The following ZAN variants were observed in gnomAD, a reference collection of about 807,000 sequenced individuals.
ZAN encodes zonadhesin (gene/pseudogene).
In ZAN, 260 loss-of-function variants were observed where a neutral mutation model predicts 286.2. The observed-to-expected ratio is 0.91, with a 90% confidence interval of 0.82 to 1.01. ZAN has a LOEUF of 1.01. Ranked by LOEUF, ZAN falls within the 50% of genes least tolerant of loss-of-function variation. The probability of loss-of-function intolerance (pLI) is 0.00; values close to 1 mark genes in which losing one functional copy is unlikely to be tolerated. For synonymous variants in ZAN, 1,368 were observed against 1,417.5 expected, an observed-to-expected ratio of 0.97 and a Z score of 0.79; for missense variants, 3,410 against 3,639.2, an observed-to-expected ratio of 0.94 and a Z score of 1.62.
chr7:100,760,412 C>T lies in ZAN; in HGVS notation c.3718C>T (p.Leu1240Phe), dbSNP rs748540183. The T allele has an allele frequency of 5.0e-6, 8 of 1,613,908 alleles. No homozygotes were observed. Among genetic ancestry groups the T allele is most frequent in the South Asian group, 2.2e-5 (2 of 91,072 alleles). ...CCAGGTTGGGGGTCAGCAAGTTACT[C>T]TCCCAGCCATACCCTCTAAAGGCGT... is the stretch of plus-strand genomic sequence containing the variant. ...RTLVGGQQVT[L>F]PAIPSKGVFL... The change falls in exon 19 of 48, where the codon CTC becomes TTC. Residue 1240 changes from leucine to phenylalanine, a missense_variant. Transcript: ENST00000613979.
At chr7:100,789,044 G>T (rs1057194146) in intron 38 of ZAN, among the ~76,000 whole-genome samples, 174 bp from the exon 39 acceptor site, 21 of 152,110 alleles carry the variant, frequency 1.4e-4, no homozygotes, top group Non-Finnish European at 2.5e-4. Context: ...CTGGGAAGGG[G>T]GCGGACCTCA....
chr7:100,771,828 T>G lies in ZAN; in HGVS notation c.5249-16T>G. 6.2e-7 allele frequency: 1 copy of G among 1,601,586 alleles called. No homozygotes were observed. ...CGGCCCCTCCCCTGGCTCATCTGCC[T>G]TCTCTCTTCCTGCAGGACCCTTCTC... On this transcript the variant is annotated splice_polypyrimidine_tract_variant and intron_variant, in intron 28 of 47. Transcript: ENST00000613979.
chr7:100,782,675 T>G (rs1407046500), intron 35 of ZAN, among the ~76,000 whole-genome samples: 1 of 112,812 alleles, frequency 8.9e-6, no homozygotes, highest in Non-Finnish European at 1.8e-5. Flanking sequence ...TTTAAGTGGG[T>G]TTTTTTTGTG....
In ZAN at chr7:100,784,676, C is replaced by T. The variant is rs1410394635; in HGVS notation, c.6676C>T (p.Pro2226Ser). ...SYTNCLPSCS[P>S]SCWDLDGRCE... ...CACCAACTGCCTTCCCTCCTGCTCA[C>T]CCTCCTGCTGGGACCTGGATGGCCG... Residue 2226 changes from proline (P) to serine (S), a missense_variant, in exon 36 of 48, where the codon CCC (proline) becomes TCC (serine). By Grantham distance (74) the Pro-to-Ser change is moderately conservative. This residue lies in a region of ZAN where 1,289 missense variants were observed against 1,314.3 expected (regional missense o/e 0.98). Transcript: ENST00000613979. 1 of 1,613,984 alleles carries T rather than the reference C, an allele frequency of 6.2e-7. No individual in the cohort carries two copies. The highest frequency in any genetic ancestry group is 8.5e-7 in the Non-Finnish European group (1 of 1,179,896).
chr7:100,769,895 T>C lies in ZAN; in HGVS notation c.5169T>C (p.Gly1723=), dbSNP rs1248563270. 3 of 1,558,446 alleles carry C rather than the reference T, an allele frequency of 1.9e-6. No homozygotes were observed. In the African/African-American group the frequency reaches 4.1e-5, roughly 21 times the overall value. ...ESSEPGCFLV[G]GKPSSCQENS... ...TCTCATTTAGCTGTTTCCTTGTGGG[T>C]GGCAAGCCCTCCAGCTGCCAGGAGA... Residue 1723 remains glycine (G), a synonymous_variant, in exon 28 of 48, where the codon GGT becomes GGC. Transcript: ENST00000613979.
In ZAN at chr7:100,753,113, C is replaced by A. The variant is rs868049605; in HGVS notation, c.3008C>A (p.Pro1003His). The A allele has an allele frequency of 6.2e-7, 1 of 1,613,920 alleles. No individual in the cohort carries two copies. The highest frequency in any genetic ancestry group is 1.1e-5 in the South Asian group (1 of 91,074). The change falls in exon 14 of 48, where the codon CCC becomes CAC. Residue 1003 changes from proline (P) to histidine (H), a missense_variant. Physicochemically the swap from Pro to His is moderately conservative, Grantham distance 77. Transcript: ENST00000613979. Reference protein sequence around the residue: ...PTEKLTALRPPHPSPTATGLA... With the variant: ...PTEKLTALRPHHPSPTATGLA... ...GAGAAGCTCACAGCCCTGAGGCCAC[C>A]CCATCCCAGCCCCACAGCCACTGGG...
intron 11 of ZAN, 25 bp downstream of exon 11, chr7:100,748,495 G>A (rs371499667): frequency 1.3e-5 from 20 of 1,593,356 alleles, no homozygotes; most frequent in South Asian, 6.8e-5. Flanking sequence ...GAGCGCTCAC[G>A]CCAAGAAATC....
Position 100,759,776 on chromosome 7 carries a change from C to G in ZAN, c.3627C>G (p.Ser1209=). 6.2e-7 allele frequency: 1 copy of G among 1,604,344 alleles called. No individual in the cohort carries two copies. The highest frequency in any genetic ancestry group is 8.5e-7 in the Non-Finnish European group (1 of 1,175,740). The part of the protein sequence containing the change: ...KNEEQGQEGV[S]CLSKVYVTLP... The stretch of plus-strand genomic sequence containing the variant: ...AGGAGCAGGGACAGGAAGGCGTGTC[C>G]TGCCTGAGCAAAGTCTACGTGACCC... The change falls in exon 18 of 48, where the codon TCC becomes TCG. Residue 1209 remains serine (S), a synonymous_variant. Transcript: ENST00000613979.
At chr7:100,794,455 G>T (rs1331691787) in intron 44 of ZAN, among the ~76,000 whole-genome samples, 197 bp downstream of exon 44, 1 of 152,110 alleles carries the variant, frequency 6.6e-6, no homozygotes, top group South Asian at 2.1e-4. Flanking sequence ...CTTCCCTAGC[G>T]TTCCTTCCCA....
chr7:100,795,332 G>C lies in ZAN; in HGVS notation c.8262G>C (p.Lys2754Asn). The C allele has an allele frequency of 6.3e-7, 1 of 1,585,362 alleles. No individual in the cohort carries two copies. Among genetic ancestry groups the C allele is most frequent in the Non-Finnish European group, 8.6e-7 (1 of 1,163,610 alleles). ...MEPRDAPPPRKPASNLVGVLL... is the reference protein window; with the variant it reads ...MEPRDAPPPRNPASNLVGVLL... ...CTCGAGATGCGCCACCTCCCAGAAA[G>C]CCAGGTGAGGGCATCGTCCAAGGCC... The change falls in exon 45 of 48, where the codon AAG (lysine) becomes AAC (asparagine). Residue 2754 changes from lysine (K) to asparagine (N), a missense_variant. Physicochemically the swap from Lys to Asn is moderately conservative, Grantham distance 94. Coordinates refer to ENST00000613979, the MANE Select transcript of ZAN (RefSeq NM_003386.3).
rs1167805560 is a variant in ZAN, at chr7:100,752,049, C to A, written c.1944C>A (p.Thr648=). 3 of 1,612,856 alleles carry A rather than the reference C, an allele frequency of 1.9e-6. No homozygotes were observed. Among genetic ancestry groups the A allele is most frequent in the Non-Finnish European group, 2.5e-6 (3 of 1,179,710 alleles). Residue 648 remains threonine (T), a synonymous_variant, in exon 14 of 48, where the codon ACC becomes ACA. Transcript: ENST00000613979. ...EKPTIPSEKP[T]ISTEKPTVPT... is the part of the protein sequence containing the mutation. ...CCACCATTCCCTCAGAAAAACCCAC[C>A]ATTTCCACAGAAAAACCCACCGTCC...
chr7:100,743,397 T>A (rs902497862), intron 7 of ZAN, among the ~76,000 whole-genome samples: 2 of 152,020 alleles, frequency 1.3e-5, no homozygotes, highest in Non-Finnish European at 1.5e-5. Context: ...CAGCTGAGCT[T>A]CTTTCTCTTT....
chr7:100,737,678 C>T lies in ZAN; in HGVS notation c.613+329C>T, dbSNP rs1440574946. On this transcript the variant is annotated intron_variant, in intron 6 of 47. Transcript: ENST00000613979. Reference sequence around the variant, plus strand: ...CCGAGATCGTGCCACTGCACTCCAGCCTTGGCGATGGAGTGAGACTCCGTC... The same window carrying T: ...CCGAGATCGTGCCACTGCACTCCAGTCTTGGCGATGGAGTGAGACTCCGTC... Among the ~76,000 whole-genome samples, 5 of 137,642 alleles carry T rather than the reference C, an allele frequency of 3.6e-5. 2 individuals carry two copies. The highest frequency in any genetic ancestry group is 2.2e-4 in the Admixed American group (3 of 13,892). The allele number at this position is 137,642 out of a possible 152,430, so 90.3% of individuals were successfully genotyped here. A position where few individuals can be genotyped will look rare whatever the true frequency, so the allele number is the denominator to read the frequency against.
rs764996884 is a variant in ZAN, at chr7:100,791,991, C to T, written c.7555C>T (p.Gln2519Ter). ...GGCTATACCAGCGGAGGAGGAGGGA[C>T]AAGGGGCGGAGCTGGGCCTCCGCAC... ...PRAIPAEEEG[Q>*]GAELGLRTGL... Residue 2519 changes from glutamine (Q) to a stop codon, truncating the protein, a stop_gained, in exon 41 of 48, where the codon CAA (glutamine) becomes TAA (stop). Transcript: ENST00000613979. LOFTEE classifies it high-confidence loss of function. The T allele has an allele frequency of 1.9e-6, 3 of 1,612,986 alleles. No individual in the cohort carries two copies. The African/African-American group carries it at 4.0e-5, about 22-fold the overall frequency.
At position 100,750,856 on chromosome 7, in the gene ZAN, C is replaced by G; in HGVS notation, c.1481C>G (p.Thr494Ser). ...VGSQRPYWQN[T>S]SVTVPSGHQQ... ...TCTCAGCGCCCTTACTGGCAGAACA[C>G]CTCCGTCACCGTCCCCTCAGGACAC... is the stretch of plus-strand genomic sequence containing the variant. Residue 494 changes from threonine to serine, a missense_variant, in exon 12 of 48, where the codon ACC becomes AGC. Physicochemically the swap from Thr to Ser is moderately conservative, Grantham distance 58. This residue lies in a region of ZAN where 872 missense variants were observed against 938.9 expected (regional missense o/e 0.93). Transcript: ENST00000613979. 6.4e-7 allele frequency: 1 copy of G among 1,574,200 alleles called. No individual in the cohort carries two copies. The highest frequency in any genetic ancestry group is 1.3e-5 in the African/African-American group (1 of 74,508).
chr7:100,755,589 T>C (rs1809091786), intron 15 of ZAN, among the ~76,000 whole-genome samples, 179 bp downstream of exon 15: 1 of 152,174 alleles, frequency 6.6e-6, no homozygotes, highest in Non-Finnish European at 1.5e-5. Flanking sequence ...TCTTTTTTTT[T>C]GAGACAGGGT....
intron 2 of ZAN, 138 bp from the exon 3 acceptor site, chr7:100,735,582 A>G (rs558972907): frequency 1.5e-6 from 1 of 666,562 alleles, no homozygotes; most frequent in Non-Finnish European, 2.4e-6. Flanking sequence ...AAAAAGAAAA[A>G]AAGTCAAGTC....
intron 36 of ZAN, among the ~76,000 whole-genome samples, chr7:100,785,534 A>G (rs1173511311): frequency 6.6e-6 from 1 of 151,960 alleles, no homozygotes; most frequent in Non-Finnish European, 1.5e-5. Context: ...CTTGGCCTGC[A>G]CAGTTGTCTT....
Position 100,738,450 on chromosome 7 carries a change from T to G in ZAN, c.614-11T>G. ...AAAACATTATATCTTCCCTTCTTTCTTTCCTCTCAGTCTGTATGATGCAAA... is the reference window on the plus strand; with the variant it reads ...AAAACATTATATCTTCCCTTCTTTCGTTCCTCTCAGTCTGTATGATGCAAA... On this transcript the variant is annotated splice_polypyrimidine_tract_variant and intron_variant, in intron 6 of 47. Transcript: ENST00000613979. 6.9e-7 allele frequency: 1 copy of G among 1,459,650 alleles called. No homozygotes were observed. The highest frequency in any genetic ancestry group is 9.3e-7 in the Non-Finnish European group (1 of 1,073,394). The allele number at this position is 1,459,650 out of a possible 1,614,324, so 90.4% of individuals were successfully genotyped here. A position where few individuals can be genotyped will look rare whatever the true frequency, so the allele number is the denominator to read the frequency against.
Sources: allele counts gnomAD v4.1 joint callset (sites outside exome capture counted in the v4.1 genomes callset), GRCh38; gene constraint gnomAD v4.1.1; regional missense constraint gnomAD v4.1.1; transcripts MANE v1.5; gene names NCBI Gene and HGNC (gene_info 2026-07-23, HGNC 2026-07-21).